The following CSMD1 variants were observed in gnomAD, a reference collection of about 807,000 sequenced individuals.
CSMD1 encodes the protein CUB and Sushi multiple domains 1.
In CSMD1, 213 loss-of-function variants were observed where a neutral mutation model predicts 417.5. The ratio of observed to expected loss-of-function variants is 0.51; its 90% confidence interval spans 0.46 to 0.57. The LOEUF (loss-of-function observed/expected upper bound fraction) is 0.57. CSMD1 is among the 20% of genes least tolerant of loss of function. The pLI, the probability that CSMD1 is intolerant of heterozygous loss-of-function variation, is 0.00. For missense variants in CSMD1, 6,923 were observed against 4,529.7 expected (o/e 1.53, Z -15.17); for synonymous variants, 2,862 against 1,736.8 (o/e 1.65, Z -16.11).
At chr8:4,253,770 G>C (rs1803247781) in intron 3 of CSMD1, among the ~76,000 whole-genome samples, 2 of 150,482 alleles carry the variant, frequency 1.3e-5, no homozygotes, top group Admixed American at 6.6e-5. Flanking sequence ...AAAAAAAACA[G>C]CTGATGAAAA....
intron 2 of CSMD1, among the ~76,000 whole-genome samples, chr8:4,603,271 T>G (rs1211023777): frequency 6.6e-6 from 1 of 152,072 alleles, no homozygotes; most frequent in Non-Finnish European, 1.5e-5. Flanking sequence ...TCATACTCCT[T>G]TAATTTTTTT....
chr8:4,602,784 T>G (rs183290465), intron 2 of CSMD1, among the ~76,000 whole-genome samples: 93 of 152,260 alleles, frequency 6.1e-4, no homozygotes, highest in Non-Finnish European at 1.0e-3. Flanking sequence ...GTCTAAATGA[T>G]GCCTTACAAT....
chr8:4,047,945 T>C (rs903295696), intron 3 of CSMD1, among the ~76,000 whole-genome samples: 1 of 152,180 alleles, frequency 6.6e-6, no homozygotes, highest in African/African-American at 2.4e-5. Context: ...CCCAAAAATA[T>C]AATGTCATGT....
At position 4,233,353 on chromosome 8, in the gene CSMD1, A is replaced by G. The variant is rs368058843; in HGVS notation, c.415+186600T>C. On this transcript the variant is annotated intron_variant, in intron 3 of 69. Coordinates refer to ENST00000635120, the MANE Select transcript of CSMD1 (RefSeq NM_033225.6). ...TCATTGACATATTAAAAGTACCTAC[A>G]TTAGTTTTTCTCAGTGACTAAGTAC... 5.3e-5 allele frequency among the ~76,000 whole-genome samples: 8 copies of G among 152,314 alleles called. No individual in the cohort carries two copies. In the East Asian group the frequency reaches 9.6e-4, roughly 18 times the overall value.
At chr8:3,105,587 C>T (rs1204915324) in intron 46 of CSMD1, among the ~76,000 whole-genome samples, 1 of 152,168 alleles carries the variant, frequency 6.6e-6, no homozygotes, top group Non-Finnish European at 1.5e-5. Flanking sequence ...CAGATTCAGC[C>T]TCAGTATCTT....
intron 5 of CSMD1, among the ~76,000 whole-genome samples, chr8:3,918,433 T>C (rs910941056): frequency 6.6e-6 from 1 of 152,200 alleles, no homozygotes; most frequent in Non-Finnish European, 1.5e-5. Context: ...TTTGCGTTTG[T>C]CTGATAATTA....
chr8:3,619,423 A>T (rs146456145), intron 7 of CSMD1, among the ~76,000 whole-genome samples: 1 of 151,988 alleles, frequency 6.6e-6, no homozygotes, highest in African/African-American at 2.4e-5. Flanking sequence ...AGAAAGAGGG[A>T]AACATGGCCA....
intron 3 of CSMD1, among the ~76,000 whole-genome samples, chr8:4,236,592 A>G (rs554271915): frequency 2.4e-4 from 36 of 152,328 alleles, no homozygotes; most frequent in Non-Finnish European, 4.0e-4. Flanking sequence ...TGAGCTGACA[A>G]ATTTAAGCTT....
chr8:3,115,805 A>G (rs1390787983), intron 42 of CSMD1, among the ~76,000 whole-genome samples: 1 of 152,206 alleles, frequency 6.6e-6, no homozygotes, highest in Non-Finnish European at 1.5e-5. Context: ...AATTATCTAA[A>G]CTGGCCAATT....
rs1436687627 is a variant in CSMD1, at chr8:4,931,894, T to C, written c.85+62438A>G. The stretch of plus-strand genomic sequence containing the variant: ...GTTTATTGATTGTTATATGGAGATA[T>C]GTACTTTAGAAATGTCCCTTGGACA... On this transcript the variant is annotated intron_variant, in intron 1 of 69. Transcript: ENST00000635120. 3.3e-5 allele frequency among the ~76,000 whole-genome samples: 5 copies of C among 152,220 alleles called. No homozygotes were observed. The East Asian group carries it at 5.8e-4, about 18-fold the overall frequency.
In CSMD1 at chr8:4,818,114, A is replaced by C. The variant is rs182847656; in HGVS notation, c.85+176218T>G. 2.3e-4 allele frequency among the ~76,000 whole-genome samples: 35 copies of C among 152,274 alleles called. 1 individual carries two copies. The East Asian group carries it at 6.4e-3, about 28-fold the overall frequency. ...CTGAACACATGTAATACAGAACTAA[A>C]AGTCGGGAAGCCTACTCGTAAAATT... On this transcript the variant is annotated intron_variant, in intron 1 of 69. Coordinates refer to ENST00000635120, the MANE Select transcript of CSMD1 (RefSeq NM_033225.6).
chr8:4,475,822 AG>A (rs1437491701), intron 2 of CSMD1, among the ~76,000 whole-genome samples: 1 of 152,092 alleles, frequency 6.6e-6, no homozygotes, highest in African/African-American at 2.4e-5. Context: ...TATGTTGACC[AG>A]GCTGGTCTCA....
rs575258525 is a variant in CSMD1 at position 2,995,592 on chromosome 8, G to T, written c.8377+2419C>A. On this transcript the variant is annotated intron_variant, in intron 54 of 69. Coordinates refer to ENST00000635120, the MANE Select transcript of CSMD1 (RefSeq NM_033225.6). ...AAAACTTATAACCACACAAAATCGT[G>T]TTCATAACAGCTCGTAGCAGCATTG... Among the ~76,000 whole-genome samples, 52 of 152,212 alleles carry T rather than the reference G, an allele frequency of 3.4e-4. No homozygotes were observed. In the Middle Eastern group the frequency reaches 0.017, roughly 50 times the overall value.
At chr8:3,649,317 T>C (rs1481811890) in intron 7 of CSMD1, among the ~76,000 whole-genome samples, 3 of 152,206 alleles carry the variant, frequency 2.0e-5, no homozygotes, top group Non-Finnish European at 2.9e-5. Flanking sequence ...CTTACAAATC[T>C]ACCTGCATTA....
intron 2 of CSMD1, among the ~76,000 whole-genome samples, chr8:4,470,862 T>C (rs549931374): frequency 6.6e-6 from 1 of 152,236 alleles, no homozygotes; most frequent in Non-Finnish European, 1.5e-5. Context: ...TTTTGAGTTA[T>C]GTAAAACTGA....
At chr8:3,145,709 G>A (rs997455639) in intron 40 of CSMD1, among the ~76,000 whole-genome samples, 1 of 152,152 alleles carries the variant, frequency 6.6e-6, no homozygotes, top group African/African-American at 2.4e-5. Flanking sequence ...GTTTGACATT[G>A]TAAAGCCCAA....
chr8:3,602,510 G>C (rs975430061), intron 8 of CSMD1, among the ~76,000 whole-genome samples: 1 of 152,058 alleles, frequency 6.6e-6, no homozygotes, highest in Non-Finnish European at 1.5e-5. Context: ...AAACTCTTTT[G>C]CATATCACTG....
At chr8:3,554,418 T>C (rs1185453959) in intron 10 of CSMD1, among the ~76,000 whole-genome samples, 1 of 152,104 alleles carries the variant, frequency 6.6e-6, no homozygotes, top group Non-Finnish European at 1.5e-5. Context: ...TCTGGGGGTC[T>C]GGGGAGAGCC....
intron 3 of CSMD1, among the ~76,000 whole-genome samples, chr8:4,344,574 G>A (rs1199271432): frequency 1.3e-5 from 2 of 150,776 alleles, no homozygotes; most frequent in Non-Finnish European, 3.0e-5. Context: ...ACATATATAA[G>A]TATATATATG....
Sources: allele counts gnomAD v4.1 joint callset (sites outside exome capture counted in the v4.1 genomes callset), GRCh38; gene constraint gnomAD v4.1.1; transcripts MANE v1.5; gene names NCBI Gene and HGNC (gene_info 2026-07-23, HGNC 2026-07-21).